The following IL1RAPL1 variants were observed in gnomAD, a reference collection of about 807,000 sequenced individuals.
IL1RAPL1 encodes the protein interleukin-1 receptor accessory protein-like 1.
Under a neutral mutation model 48.4 loss-of-function variants are expected in IL1RAPL1, and 3 were observed. The observed-to-expected ratio is 0.06, with a 90% CI of 0.03 to 0.16. The LOEUF (loss-of-function observed/expected upper bound fraction) is 0.16. Ranked by LOEUF, IL1RAPL1 falls within the 10% of genes least tolerant of loss-of-function variation. The probability of loss-of-function intolerance (pLI) is 1.00; values close to 1 mark genes in which losing one functional copy is unlikely to be tolerated. For missense variants in IL1RAPL1, 349 were observed against 530.6 expected, an observed-to-expected ratio of 0.66 and a Z score of 3.36; for synonymous variants, 185 against 187.7, an observed-to-expected ratio of 0.99 and a Z score of 0.12.
chrX:28,721,964 T>C (rs929554119), intron 1 of IL1RAPL1, among the ~76,000 whole-genome samples: 1 of 111,901 alleles, frequency 8.9e-6, no homozygotes, highest in African/African-American at 3.3e-5. Context: ...ATCTCTGTTT[T>C]GGTACCAGTA....
intron 6 of IL1RAPL1, among the ~76,000 whole-genome samples, chrX:29,740,122 G>GAAAAAAAAAAAA (rs1172511347): frequency 3.8e-5 from 2 of 52,328 alleles, no homozygotes; most frequent in African/African-American, 6.3e-5. Context: ...CAAAAAAACA[G>GAAAAAAAAAAAA]AAAAAAAAAA....
chrX:29,304,626 G>A (rs7050313), intron 3 of IL1RAPL1, among the ~76,000 whole-genome samples: 4,904 of 111,907 alleles, frequency 0.044, 289 homozygotes, highest in African/African-American at 0.15. Flanking sequence ...TTAAATAAGC[G>A]CTATGTTGAT....
intron 6 of IL1RAPL1, among the ~76,000 whole-genome samples, chrX:29,752,080 GTATATATATA>G: frequency 1.2e-5 from 1 of 85,313 alleles, no homozygotes; most frequent in South Asian, 5.7e-4. Flanking sequence ...ATGTGTGTAT[GTATATATATA>G]TATATATATA....
At chrX:28,920,524 G>GA (rs898223798) in intron 2 of IL1RAPL1, among the ~76,000 whole-genome samples, 22 of 109,410 alleles carry the variant, frequency 2.0e-4, no homozygotes, top group Admixed American at 1.3e-3. Context: ...GCAGCAGCAG[G>GA]AAAAAAAAAT....
intron 2 of IL1RAPL1, among the ~76,000 whole-genome samples, chrX:29,093,887 A>C: frequency 8.9e-6 from 1 of 111,915 alleles, no homozygotes; most frequent in East Asian, 2.8e-4. Context: ...GGTCCCAAGA[A>C]ACCAAAGTGT....
chrX:29,292,479 A>G (rs1259952034), intron 3 of IL1RAPL1, among the ~76,000 whole-genome samples: 1 of 112,142 alleles, frequency 8.9e-6, no homozygotes, highest in East Asian at 2.8e-4. Flanking sequence ...AAAAATCTGT[A>G]TGATACAGTA....
intron 5 of IL1RAPL1, among the ~76,000 whole-genome samples, chrX:29,439,734 T>C (rs925443658): frequency 2.7e-5 from 3 of 110,957 alleles, no homozygotes; most frequent in African/African-American, 9.8e-5. Context: ...ATATTATATT[T>C]TGGATAATTT....
At chrX:29,734,342 TGTTACATACACA>T (rs1201609039) in intron 6 of IL1RAPL1, among the ~76,000 whole-genome samples, 1 of 112,366 alleles carries the variant, frequency 8.9e-6, no homozygotes, top group Non-Finnish European at 1.9e-5. Context: ...CACAGATATG[TGTTACATACACA>T]TGCATTCACA....
At chrX:29,453,059 G>A (rs899166288) in intron 5 of IL1RAPL1, among the ~76,000 whole-genome samples, 1 of 107,312 alleles carries the variant, frequency 9.3e-6, no homozygotes, top group Admixed American at 1.0e-4. Flanking sequence ...CAAGTAGCTG[G>A]GATTACAGGC....
chrX:29,633,277 A>G (rs1275190604), intron 5 of IL1RAPL1, among the ~76,000 whole-genome samples: 1 of 111,664 alleles, frequency 9.0e-6, no homozygotes, highest in Non-Finnish European at 1.9e-5. Flanking sequence ...GATTTCATTT[A>G]CCTAAATTTC....
At chrX:28,892,580 G>A (rs1922800509) in intron 2 of IL1RAPL1, among the ~76,000 whole-genome samples, 1 of 111,160 alleles carries the variant, frequency 9.0e-6, no homozygotes, top group African/African-American at 3.3e-5. Flanking sequence ...TGACATTCCT[G>A]TCTTCTTATA....
chrX:29,142,162 A>G (rs971983473), intron 2 of IL1RAPL1, among the ~76,000 whole-genome samples: 9 of 112,010 alleles, frequency 8.0e-5, no homozygotes, highest in African/African-American at 2.9e-4. Context: ...TAATTTATCT[A>G]CAAACCTTGT....
chrX:28,764,586 C>T (rs150253931), intron 1 of IL1RAPL1, among the ~76,000 whole-genome samples: 1,160 of 111,183 alleles, frequency 0.01, 18 homozygotes, highest in African/African-American at 0.035. Flanking sequence ...ATTTAACAGA[C>T]ATATTCTATG....
At chrX:29,367,036 A>G (rs2147663715) in intron 3 of IL1RAPL1, among the ~76,000 whole-genome samples, 1 of 111,615 alleles carries the variant, frequency 9.0e-6, no homozygotes, top group South Asian at 3.8e-4. Flanking sequence ...CTAGTGATAT[A>G]GTTTATTAAC....
At chrX:28,664,926 T>C in intron 1 of IL1RAPL1, among the ~76,000 whole-genome samples, 1 of 85,109 alleles carries the variant, frequency 1.2e-5, no homozygotes, top group Non-Finnish European at 2.6e-5. Context: ...AAATCTGGTC[T>C]CCAATTGTTT....
intron 6 of IL1RAPL1, among the ~76,000 whole-genome samples, chrX:29,687,938 G>A (rs1026910218): frequency 3.6e-5 from 4 of 111,761 alleles, no homozygotes; most frequent in Non-Finnish European, 5.6e-5. Flanking sequence ...TTAGTGCCAA[G>A]AAAGGAAGAC....
chrX:28,832,067 A>G (rs920281430), intron 2 of IL1RAPL1, among the ~76,000 whole-genome samples: 1 of 111,329 alleles, frequency 9.0e-6, no homozygotes, highest in Non-Finnish European at 1.9e-5. Context: ...CGTAATTAGC[A>G]AATTCATCAC....
intron 2 of IL1RAPL1, among the ~76,000 whole-genome samples, chrX:29,073,910 T>C (rs1393942485): frequency 8.9e-6 from 1 of 111,742 alleles, no homozygotes; most frequent in Non-Finnish European, 1.9e-5. Context: ...TAGTTGATTT[T>C]TGGAGCTGTG....
intron 1 of IL1RAPL1, among the ~76,000 whole-genome samples, chrX:28,722,666 T>C (rs146072994): frequency 0.018 from 2,032 of 111,812 alleles, 40 homozygotes; most frequent in African/African-American, 0.063. Flanking sequence ...CCCTGTCTTA[T>C]GCCAGTTTTC....
Sources: allele counts gnomAD v4.1 joint callset (sites outside exome capture counted in the v4.1 genomes callset), GRCh38; gene constraint gnomAD v4.1.1; transcripts MANE v1.5; gene names NCBI Gene and HGNC (gene_info 2026-07-23, HGNC 2026-07-21).